ALK: variants seen among roughly 807,000 people sequenced by gnomAD.
ALK encodes the protein ALK receptor tyrosine kinase.
A neutral mutation model predicts 163.1 loss-of-function variants in ALK; 74 were observed. That is an observed-to-expected ratio of 0.45 (90% CI 0.38 to 0.55). The LOEUF (loss-of-function observed/expected upper bound fraction) is 0.55. ALK is among the 20% of genes least tolerant of loss of function. The pLI, the probability that ALK is intolerant of heterozygous loss-of-function variation, is 0.00. For missense variants in ALK, 2,063 were observed against 2,105.3 expected, an observed-to-expected ratio of 0.98 and a Z score of 0.39; for synonymous variants, 960 against 843.2, an observed-to-expected ratio of 1.14 and a Z score of -2.40.
chr2:29,239,900 A>G, intron 12 of ALK, 70 bp from the exon 13 acceptor site: 1 of 1,557,262 alleles, frequency 6.4e-7, no homozygotes, highest in Non-Finnish European at 8.7e-7. Flanking sequence ...CCAACCCAGC[A>G]GCTTCCAGTG....
chr2:29,252,150 G>A lies in ALK; in HGVS notation c.2042-883C>T, dbSNP rs1184402741. On this transcript the variant is annotated intron_variant, in intron 11 of 28. Transcript: ENST00000389048. Reference sequence around the variant, plus strand: ...AGGTGGCTTTCTGGGGGCAACACAGGAACACTCAGCACAAACTGCACCCCC... The same window carrying A: ...AGGTGGCTTTCTGGGGGCAACACAGAAACACTCAGCACAAACTGCACCCCC... Among the ~76,000 whole-genome samples, 4 of 152,056 alleles carry A rather than the reference G, an allele frequency of 2.6e-5. No individual in the cohort carries two copies. In the South Asian group the frequency reaches 6.2e-4, roughly 24 times the overall value.
intron 4 of ALK, among the ~76,000 whole-genome samples, chr2:29,480,923 T>C (rs1429326726): frequency 1.3e-5 from 2 of 152,144 alleles, no homozygotes; most frequent in African/African-American, 4.8e-5. Flanking sequence ...GATTCTGCAT[T>C]TCCAATGAGC....
chr2:29,813,803 A>G (rs753170332), intron 1 of ALK, among the ~76,000 whole-genome samples: 66 of 152,298 alleles, frequency 4.3e-4, no homozygotes, highest in Non-Finnish European at 8.1e-4. Flanking sequence ...GGCAAATAGC[A>G]TCTATATCAT....
At chr2:29,827,903 C>T (rs1456286410) in intron 1 of ALK, among the ~76,000 whole-genome samples, 1 of 152,232 alleles carries the variant, frequency 6.6e-6, no homozygotes, top group African/African-American at 2.4e-5. Flanking sequence ...ATCACGCTAT[C>T]TGACTTCAAA....
At chr2:29,560,117 A>G (rs1478181706) in intron 3 of ALK, among the ~76,000 whole-genome samples, 4 of 152,236 alleles carry the variant, frequency 2.6e-5, no homozygotes, top group African/African-American at 7.2e-5. Flanking sequence ...GTGCAATGAA[A>G]ACATATGTCT....
At chr2:29,601,504 C>T (rs1248242909) in intron 3 of ALK, among the ~76,000 whole-genome samples, 1 of 151,974 alleles carries the variant, frequency 6.6e-6, no homozygotes, top group Non-Finnish European at 1.5e-5. Flanking sequence ...CAGGTGCACA[C>T]TGTGGCCTGG....
intron 1 of ALK, among the ~76,000 whole-genome samples, chr2:29,834,150 C>T (rs527832407): frequency 5.5e-4 from 83 of 152,290 alleles, no homozygotes; most frequent in Admixed American, 2.0e-3. Context: ...TTAATATGAC[C>T]AGCAAGGCCA....
intron 3 of ALK, among the ~76,000 whole-genome samples, chr2:29,538,731 T>A (rs549314914): frequency 7.0e-4 from 106 of 151,758 alleles, no homozygotes; most frequent in South Asian, 2.7e-3. Flanking sequence ...CACTGGAAAA[T>A]TTTTTTTTAA....
chr2:29,467,309 G>A (rs1671237309), intron 4 of ALK, among the ~76,000 whole-genome samples: 1 of 151,628 alleles, frequency 6.6e-6, no homozygotes, highest in Non-Finnish European at 1.5e-5. Flanking sequence ...CTAATTTATT[G>A]TTTAATTAAT....
At chr2:29,284,388 A>C (rs1469318756) in intron 9 of ALK, among the ~76,000 whole-genome samples, 1 of 152,150 alleles carries the variant, frequency 6.6e-6, no homozygotes, top group Non-Finnish European at 1.5e-5. Context: ...TATCTCCTAA[A>C]TTGCAGGCTT....
chr2:29,816,815 A>T (rs946900137), intron 1 of ALK, among the ~76,000 whole-genome samples: 1 of 152,136 alleles, frequency 6.6e-6, no homozygotes, highest in African/African-American at 2.4e-5. Context: ...GCCTGACGGG[A>T]TGTGATGTAT....
intron 2 of ALK, among the ~76,000 whole-genome samples, chr2:29,717,171 C>CAAAAAAAAAAA (rs754615995): frequency 1.4e-5 from 1 of 70,580 alleles, no homozygotes; most frequent in Admixed American, 1.8e-4. Flanking sequence ...GACTCTGTCT[C>CAAAAAAAAAAA]AAAAAAAAAA....
In ALK at chr2:29,801,369, AAAAC is replaced by A. The variant is rs562479249; in HGVS notation, c.668-83676_668-83673del. On this transcript the variant is annotated intron_variant, in intron 1 of 28. Transcript: ENST00000389048. ...CAGTCCCAGAGACAGTTTTATTAAA[AAAAC>A]AAACAAACAACAACGAGAAAAAAAC... Among the ~76,000 whole-genome samples the A allele has an allele frequency of 5.4e-4, 82 of 152,352 alleles. 1 individual carries two copies. Among genetic ancestry groups the A allele is most frequent in the African/African-American group, 1.6e-3 (67 of 41,590 alleles).
intron 1 of ALK, among the ~76,000 whole-genome samples, chr2:29,786,184 GT>G (rs1344841075): frequency 6.6e-6 from 1 of 151,936 alleles, no homozygotes; most frequent in Non-Finnish European, 1.5e-5. Flanking sequence ...CTTTGCCTAG[GT>G]TAGTTTTTTT....
At chr2:29,202,523 C>A (rs138662614) in intron 26 of ALK, among the ~76,000 whole-genome samples, 1 of 152,372 alleles carries the variant, frequency 6.6e-6, no homozygotes, top group East Asian at 1.9e-4. Flanking sequence ...TCTCTGCTCT[C>A]CTGAAGTTAG....
In ALK at chr2:29,228,917, A is replaced by ACCCCCCCCCCCC; in HGVS notation, c.2781_2782insGGGGGGGGGGGG (p.Gly924_Gly927dup). On this transcript the variant is annotated inframe_insertion, in exon 16 of 29. Coordinates refer to ENST00000389048, the MANE Select transcript of ALK (RefSeq NM_004304.5). ...CCTCCGCCTCCTCCACCTGAGGAGC[A>ACCCCCCCCCCCC]CCCCCCTCCACCCCCTCCGAAACCC... The ACCCCCCCCCCCC allele has an allele frequency of 1.5e-6, 2 of 1,374,992 alleles. No homozygotes were observed. Among genetic ancestry groups the ACCCCCCCCCCCC allele is most frequent in the Non-Finnish European group, 2.0e-6 (2 of 975,728 alleles). The allele number at this position is 1,374,992 out of a possible 1,614,324, so 85.2% of individuals were successfully genotyped here.
intron 3 of ALK, among the ~76,000 whole-genome samples, chr2:29,593,149 C>T (rs1363087598): frequency 6.6e-6 from 1 of 152,286 alleles, no homozygotes; most frequent in Middle Eastern, 3.4e-3. Flanking sequence ...GGTTACGTTA[C>T]GCCAGTGCCT....
At chr2:29,722,190 T>A (rs1231390685) in intron 1 of ALK, among the ~76,000 whole-genome samples, 1 of 152,230 alleles carries the variant, frequency 6.6e-6, no homozygotes, top group Non-Finnish European at 1.5e-5. Flanking sequence ...GGAGGAAACG[T>A]CTCCTTTTCC....
chr2:29,787,415 A>T (rs1361174242), intron 1 of ALK, among the ~76,000 whole-genome samples: 1 of 152,234 alleles, frequency 6.6e-6, no homozygotes, highest in African/African-American at 2.4e-5. Context: ...GCCAGTGTTT[A>T]TTAATTTGCA....
Sources: gnomAD v4.1 joint callset for allele counts (sites outside exome capture counted in the v4.1 genomes callset) on GRCh38, gnomAD v4.1.1 for gene constraint, MANE v1.5 for transcripts, NCBI Gene and HGNC (gene_info 2026-07-23, HGNC 2026-07-21) for gene names.